The following EXT1 variants were observed in gnomAD, a reference collection of about 807,000 sequenced individuals.
EXT1 encodes the protein exostosin-1.
Under a neutral mutation model 82.5 loss-of-function variants are expected in EXT1, and 20 were observed. That is an observed-to-expected ratio of 0.24 (90% CI 0.17 to 0.35). The LOEUF (loss-of-function observed/expected upper bound fraction) is 0.35, where lower values mean the gene tolerates loss of function less well. Among genes scored for constraint, EXT1 ranks in the 10% least tolerant of loss-of-function variants. The pLI, the probability that EXT1 is intolerant of heterozygous loss-of-function variation, is 1.00. For missense variants in EXT1, 757 were observed against 936.5 expected (o/e 0.81, Z 2.50); for synonymous variants, 348 against 350.8 (o/e 0.99, Z 0.09).
intron 1 of EXT1, among the ~76,000 whole-genome samples, chr8:117,984,257 A>G (rs1221422209): frequency 1.3e-5 from 2 of 151,392 alleles, no homozygotes; most frequent in Non-Finnish European, 2.9e-5. Flanking sequence ...TGTCTTTACT[A>G]AAAATACAAA....
intron 1 of EXT1, among the ~76,000 whole-genome samples, chr8:118,015,921 G>A (rs1815994678): frequency 6.6e-6 from 1 of 152,222 alleles, no homozygotes; most frequent in Non-Finnish European, 1.5e-5. Context: ...CCAAGTGAAG[G>A]TGGCAGCAGG....
At chr8:118,063,204 T>TA (rs11441810) in intron 1 of EXT1, among the ~76,000 whole-genome samples, 14,392 of 150,412 alleles carry the variant, frequency 0.096, 1,041 homozygotes, top group African/African-American at 0.2. Context: ...GCAGTTATAG[T>TA]AAAAAAAAAA....
intron 1 of EXT1, among the ~76,000 whole-genome samples, chr8:117,998,558 G>T (rs1463815099): frequency 3.3e-5 from 5 of 152,154 alleles, no homozygotes; most frequent in African/African-American, 1.2e-4. Context: ...AAAGTGCTGG[G>T]ATTACAGGCA....
At chr8:118,069,786 T>C (rs1009601853) in intron 1 of EXT1, among the ~76,000 whole-genome samples, 1 of 152,128 alleles carries the variant, frequency 6.6e-6, no homozygotes, top group African/African-American at 2.4e-5. Flanking sequence ...AACCAAATGA[T>C]TCATGCAAGG....
intron 1 of EXT1, among the ~76,000 whole-genome samples, chr8:118,032,108 CGGTTTT>C (rs1220637153): frequency 7.9e-5 from 11 of 139,070 alleles, no homozygotes; most frequent in Admixed American, 7.9e-4. Flanking sequence ...AAAGTCATCG[CGGTTTT>C]GGCCATTACT....
At chr8:117,833,080 CA>C (rs1413261952) in intron 3 of EXT1, among the ~76,000 whole-genome samples, 2 of 151,972 alleles carry the variant, frequency 1.3e-5, no homozygotes, top group Admixed American at 6.6e-5. Flanking sequence ...TGTAACATAA[CA>C]AAAAAACATT....
At chr8:118,071,652 C>T (rs1817097191) in intron 1 of EXT1, among the ~76,000 whole-genome samples, 1 of 152,084 alleles carries the variant, frequency 6.6e-6, no homozygotes, top group Non-Finnish European at 1.5e-5. Context: ...ATTCTTCAGA[C>T]CCCTCTCCTC....
rs2129871385 is a variant in EXT1 at position 117,864,017 on chromosome 8, T to C, written c.963-26816A>G. On this transcript the variant is annotated intron_variant, in intron 1 of 10. Transcript: ENST00000378204. The stretch of plus-strand genomic sequence containing the variant: ...CTACAATTCATTCCAATCTCTTCCA[T>C]AGGCAACAGGTTGTATGGAATTTTC... Among the ~76,000 whole-genome samples the C allele has an allele frequency of 2.0e-5, 3 of 152,256 alleles. 1 individual carries two copies. In the South Asian group the frequency reaches 6.2e-4, roughly 32 times the overall value.
chr8:117,807,461 A>G, intron 8 of EXT1, 84 bp from the exon 9 acceptor site: 1 of 1,498,902 alleles, frequency 6.7e-7, no homozygotes, highest in Non-Finnish European at 9.2e-7. Context: ...ACTAATTCAT[A>G]ATGCAAAATC....
Position 117,837,217 on chromosome 8 carries a change from G to A in EXT1, c.963-16C>T, listed in dbSNP as rs369462786. The stretch of plus-strand genomic sequence containing the variant: ...ATAATCATACCTAGAAAGAGAAGAG[G>A]AGTAAACAGCAAATGAAGACTCATT... On this transcript the variant is annotated splice_polypyrimidine_tract_variant and intron_variant, in intron 1 of 10. Transcript: ENST00000378204. 1.3e-5 allele frequency: 21 copies of A among 1,597,818 alleles called. No homozygotes were observed. In the African/African-American group the frequency reaches 2.5e-4, roughly 19 times the overall value.
intron 8 of EXT1, among the ~76,000 whole-genome samples, chr8:117,812,564 C>A (rs980715138): frequency 6.6e-6 from 1 of 152,070 alleles, no homozygotes; most frequent in Non-Finnish European, 1.5e-5. Context: ...CTCAGTTCTG[C>A]GCAACTGCTC....
chr8:117,915,855 C>CAAACAAAACAAAACAAAACAAAACA (rs60869745), intron 1 of EXT1, among the ~76,000 whole-genome samples: 7 of 148,722 alleles, frequency 4.7e-5, no homozygotes, highest in East Asian at 4.0e-4. Flanking sequence ...GACTCTGTCT[C>CAAACAAAACAAAACAAAACAAAACA]AAACAAAACA....
intron 1 of EXT1, among the ~76,000 whole-genome samples, chr8:117,929,613 T>C (rs1170450833): frequency 6.6e-6 from 1 of 152,212 alleles, no homozygotes; most frequent in African/African-American, 2.4e-5. Flanking sequence ...TAAGTCATCA[T>C]GACAGATTCC....
chr8:117,830,886 T>C (rs566049544), intron 3 of EXT1, among the ~76,000 whole-genome samples: 1 of 152,322 alleles, frequency 6.6e-6, no homozygotes, highest in Non-Finnish European at 1.5e-5. Context: ...TGAGCCTTTC[T>C]GCTCCCTATA....
At chr8:118,069,032 T>C (rs1298079704) in intron 1 of EXT1, among the ~76,000 whole-genome samples, 4 of 152,160 alleles carry the variant, frequency 2.6e-5, no homozygotes, top group African/African-American at 7.2e-5. Context: ...CCTTCTAGCA[T>C]AGTATCTGGT....
chr8:118,002,844 A>G (rs1290077321), intron 1 of EXT1, among the ~76,000 whole-genome samples: 1 of 152,026 alleles, frequency 6.6e-6, no homozygotes, highest in Non-Finnish European at 1.5e-5. Flanking sequence ...GAGATTTCTA[A>G]AAGTAGGACT....
chr8:117,905,639 C>T (rs1264313134), intron 1 of EXT1, among the ~76,000 whole-genome samples: 2 of 152,042 alleles, frequency 1.3e-5, no homozygotes, highest in African/African-American at 4.8e-5. Context: ...GGTGAAAGCC[C>T]GTCTGTACTA....
chr8:118,073,693 A>AGAAGCGAAGC lies in EXT1; in HGVS notation c.962+36391_962+36392insGCTTCGCTTC, dbSNP rs1563647847. ...AGAAGAGAAGAGAAGAGAAGAGAAGAGAAGAGAAGAGAAGCCTCTTAAGAA... is the reference window on the plus strand; with the variant it reads ...AGAAGAGAAGAGAAGAGAAGAGAAGAGAAGCGAAGCGAAGAGAAGAGAAGCCTCTTAAGAA... On this transcript the variant is annotated intron_variant, in intron 1 of 10. Coordinates refer to ENST00000378204, the MANE Select transcript of EXT1 (RefSeq NM_000127.3). Among the ~76,000 whole-genome samples the AGAAGCGAAGC allele has an allele frequency of 6.2e-4, 80 of 129,360 alleles. 2 individuals are homozygous for AGAAGCGAAGC. In the South Asian group the frequency reaches 6.6e-3, roughly 11 times the overall value. 84.9% of individuals were successfully genotyped at this position (129,360 alleles called of 152,430 possible). A position where few individuals can be genotyped will look rare whatever the true frequency, so the allele number is the denominator to read the frequency against.
At chr8:118,079,594 T>C (rs570650653) in intron 1 of EXT1, among the ~76,000 whole-genome samples, 143 of 152,286 alleles carry the variant, frequency 9.4e-4, no homozygotes, top group African/African-American at 3.4e-3. Flanking sequence ...AATACCTGCC[T>C]CATCACCAAG....
Sources: gnomAD v4.1 joint callset for allele counts (sites outside exome capture counted in the v4.1 genomes callset) on GRCh38, gnomAD v4.1.1 for gene constraint, MANE v1.5 for transcripts, NCBI Gene and HGNC (gene_info 2026-07-23, HGNC 2026-07-21) for gene names.